The following BEST3 variants were observed in gnomAD, a reference collection of about 807,000 sequenced individuals.
BEST3 encodes the protein bestrophin 3, also known as bestrophin-3.
BEST3 carries 50 observed loss-of-function variants against 47.1 expected under a neutral mutation model. The observed-to-expected ratio is 1.06, with a 90% CI of 0.85 to 1.34. BEST3 has a LOEUF of 1.34. BEST3 is among the 40% of genes most tolerant of loss of function. The pLI is 0.00. For synonymous variants in BEST3, 282 were observed against 298.8 expected (o/e 0.94, Z 0.58); for missense variants, 765 against 817.0 (o/e 0.94, Z 0.78).
intron 9 of BEST3, among the ~76,000 whole-genome samples, chr12:69,644,145 C>T (rs1351527080): frequency 1.3e-5 from 2 of 152,144 alleles, no homozygotes; most frequent in Non-Finnish European, 2.9e-5. Context: ...GAAATAAGCT[C>T]TAGGGTTGGG....
intron 9 of BEST3, chr12:69,670,273 C>T: frequency 3.4e-6 from 2 of 590,424 alleles, no homozygotes; most frequent in East Asian, 2.8e-5. Context: ...AGCTCTCTGG[C>T]CTGGAAGGAG....
chr12:69,657,405 A>G (rs990620110), intron 9 of BEST3, among the ~76,000 whole-genome samples: 1 of 152,152 alleles, frequency 6.6e-6, no homozygotes, highest in Non-Finnish European at 1.5e-5. Flanking sequence ...CAAACCTACC[A>G]TTTTAAATCT....
At chr12:69,674,892 C>CTTTTTT (rs35297025) in intron 7 of BEST3, among the ~76,000 whole-genome samples, 1 of 109,430 alleles carries the variant, frequency 9.1e-6, no homozygotes, top group Non-Finnish European at 1.8e-5. Context: ...TTAGGTTTGC[C>CTTTTTT]TTTTTTTTTT....
rs562929232 is a variant in BEST3 at position 69,659,128 on chromosome 12, T to G, written c.1101-3315A>C. ...GTGCTCTGGGGGGCAGTTTTAAGTA[T>G]CTTACACTGAGTGGTGAATGATGCC... On this transcript the variant is annotated intron_variant, in intron 9 of 9. Transcript: ENST00000330891. Among the ~76,000 whole-genome samples, 3 of 152,280 alleles carry G rather than the reference T, an allele frequency of 2.0e-5. No individual in the cohort carries two copies. The South Asian group carries it at 6.2e-4, about 32-fold the overall frequency.
At chr12:69,649,472 G>A (rs111963394), downstream of BEST3, among the ~76,000 whole-genome samples, 4,804 of 152,302 alleles carry the variant, frequency 0.032, 112 homozygotes, top group Middle Eastern at 0.061. Flanking sequence ...AGGGAGAAAT[G>A]GTAATTACTT....
intron 1 of BEST3, among the ~76,000 whole-genome samples, chr12:69,698,455 C>A (rs1326118967): frequency 1.3e-5 from 2 of 151,792 alleles, no homozygotes; most frequent in African/African-American, 4.8e-5. Flanking sequence ...AATTCCACCA[C>A]TTTTCACCAA....
chr12:69,660,971 G>C (rs575288102), intron 9 of BEST3: 1 of 152,170 alleles, frequency 6.6e-6, no homozygotes, highest in South Asian at 2.1e-4. Flanking sequence ...AAGGGCATAA[G>C]CAGCCATGAT....
chr12:69,684,718 T>C (rs1007896446), intron 4 of BEST3: 1 of 469,592 alleles, frequency 2.1e-6, no homozygotes. Flanking sequence ...GTTTTCCAAA[T>C]GAATGGAATG....
At chr12:69,644,544 C>G (rs751992004) in intron 9 of BEST3, among the ~76,000 whole-genome samples, 16 of 152,130 alleles carry the variant, frequency 1.1e-4, no homozygotes, top group Non-Finnish European at 1.8e-4. Flanking sequence ...ATAAGTAACT[C>G]TATTTTAATG....
At chr12:69,673,986 G>A (rs710722) in intron 7 of BEST3, among the ~76,000 whole-genome samples, 72,322 of 151,890 alleles carry the variant, frequency 0.48, 17,377 homozygotes, top group Admixed American at 0.59. Context: ...AGAGGTTTAT[G>A]TATAAAATAC....
intron 2 of BEST3, among the ~76,000 whole-genome samples, chr12:69,696,946 A>C (rs965409134): frequency 1.3e-5 from 2 of 152,194 alleles, no homozygotes; most frequent in African/African-American, 4.8e-5. Flanking sequence ...TACTGATGAA[A>C]TTTTATTAAG....
chr12:69,688,126 C>G (rs534123138), intron 4 of BEST3, among the ~76,000 whole-genome samples: 1 of 152,276 alleles, frequency 6.6e-6, no homozygotes, highest in South Asian at 2.1e-4. Flanking sequence ...TCTCCTGATG[C>G]TTGTAAATAC....
chr12:69,663,762 A>T (rs1406885258), intron 9 of BEST3, among the ~76,000 whole-genome samples: 1 of 152,208 alleles, frequency 6.6e-6, no homozygotes, highest in Non-Finnish European at 1.5e-5. Flanking sequence ...TCGAGGCTGC[A>T]GTGAGCTGTG....
chr12:69,686,219 G>T (rs1885578371), intron 4 of BEST3, among the ~76,000 whole-genome samples: 1 of 149,866 alleles, frequency 6.7e-6, no homozygotes, highest in Admixed American at 6.6e-5. Context: ...ACCCAGGGCA[G>T]AAATGTTATA....
intron 4 of BEST3, among the ~76,000 whole-genome samples, chr12:69,684,792 C>G (rs1001499238): frequency 1.3e-5 from 2 of 152,154 alleles, no homozygotes; most frequent in South Asian, 4.1e-4. Flanking sequence ...AAATCCCTGT[C>G]AATTGGGAAA....
chr12:69,677,114 G>T, intron 6 of BEST3, 46 bp from the exon 7 acceptor site: 3 of 1,613,708 alleles, frequency 1.9e-6, no homozygotes, highest in Non-Finnish European at 2.5e-6. Flanking sequence ...CTGGCCTCCC[G>T]CAGCGAAGCT....
downstream of BEST3, among the ~76,000 whole-genome samples, chr12:69,648,869 A>T (rs1883123432): frequency 6.6e-6 from 1 of 152,190 alleles, no homozygotes; most frequent in Non-Finnish European, 1.5e-5. Flanking sequence ...TAAAGTACCA[A>T]ATTACATGTC....
chr12:69,694,543 CAATT>C, intron 2 of BEST3, 79 bp from the exon 3 acceptor site: 1 of 599,678 alleles, frequency 1.7e-6, no homozygotes, highest in Non-Finnish European at 2.7e-6. Flanking sequence ...TAAGTGCAAA[CAATT>C]AAGCACAAAT....
At chr12:69,655,918 A>G (rs953698649) in intron 9 of BEST3, 105 bp from the exon 10 acceptor site, 1 of 1,465,924 alleles carries the variant, frequency 6.8e-7, no homozygotes, top group African/African-American at 1.4e-5. Flanking sequence ...TGCCTTATAG[A>G]TTTTTTAAAT....
Sources: allele counts gnomAD v4.1 joint callset (sites outside exome capture counted in the v4.1 genomes callset), GRCh38; gene constraint gnomAD v4.1.1; transcripts MANE v1.5; gene names NCBI Gene and HGNC (gene_info 2026-07-23, HGNC 2026-07-21).